The following GUCA2B variants were observed in gnomAD, a reference collection of about 807,000 sequenced individuals.
GUCA2B encodes guanylate cyclase activator 2B, also known as prepro-uroguanylin.
In GUCA2B, 7 loss-of-function variants were observed where a neutral mutation model predicts 11.1. That is an observed-to-expected ratio of 0.63 (90% CI 0.36 to 1.18). The LOEUF is 1.18. Ranked by LOEUF, GUCA2B falls within the 50% of genes most tolerant of loss-of-function variation. The pLI, the probability that GUCA2B is intolerant of heterozygous loss-of-function variation, is 0.02. For synonymous variants in GUCA2B, 69 were observed against 65.3 expected, an observed-to-expected ratio of 1.06 and a Z score of -0.27; for missense variants, 140 against 142.5, an observed-to-expected ratio of 0.98 and a Z score of 0.09.
At chr1:42,154,203 A>G (rs569385696) in intron 1 of GUCA2B, among the ~76,000 whole-genome samples, 39 of 152,216 alleles carry the variant, frequency 2.6e-4, no homozygotes, top group East Asian at 2.3e-3. Flanking sequence ...GACTCTGGGC[A>G]TGGTCTCCTT....
chr1:42,153,612 C>A, intron 1 of GUCA2B, 72 bp downstream of exon 1: 1 of 1,145,154 alleles, frequency 8.7e-7, no homozygotes, highest in Non-Finnish European at 1.3e-6. Context: ...AGAGGGTGTA[C>A]TGGGAATTCA....
intron 1 of GUCA2B, 64 bp downstream of exon 1, chr1:42,153,604 A>T: frequency 2.5e-6 from 3 of 1,212,696 alleles, no homozygotes; most frequent in Non-Finnish European, 3.6e-6. Context: ...TAGGCTGGAG[A>T]GGGTGTACTG....
Position 42,154,124 on chromosome 1 carries a change from G to A in GUCA2B, c.91-556G>A, listed in dbSNP as rs13374720. Among the ~76,000 whole-genome samples the A allele has an allele frequency of 4.7e-3, 717 of 152,286 alleles. 6 individuals carry two copies. The highest frequency in any genetic ancestry group is 0.016 in the African/African-American group (677 of 41,560). On this transcript the variant is annotated intron_variant, in intron 1 of 2. Coordinates refer to ENST00000372581, the MANE Select transcript of GUCA2B (RefSeq NM_007102.3). Reference sequence around the variant, plus strand: ...CGTCACAGCAGGGCCTGTCTGCCACGTCACAGGGGATGCTGCTGGCCTCGC... The same window carrying A: ...CGTCACAGCAGGGCCTGTCTGCCACATCACAGGGGATGCTGCTGGCCTCGC...
rs747175266 is a variant in GUCA2B, at chr1:42,154,752, C to A, written c.163C>A (p.Pro55Thr). ...SDLEAQWAPS[P>T]RLQAQSLLPA... ...CCTGGAGGCACAGTGGGCACCCAGC[C>A]CCCGCCTGCAGGCCCAGAGCCTCCT... The change falls in exon 2 of 3, where the codon CCC becomes ACC. Residue 55 changes from proline to threonine, a missense_variant. Physicochemically the swap from Pro to Thr is conservative, Grantham distance 38 (BLOSUM62 -1). Transcript: ENST00000372581. 20 of 1,613,870 alleles carry A rather than the reference C, an allele frequency of 1.2e-5. No individual in the cohort carries two copies. Among genetic ancestry groups the A allele is most frequent in the Non-Finnish European group, 1.7e-5 (20 of 1,179,842 alleles).
rs867354527 is a variant in GUCA2B at position 42,154,782 on chromosome 1, G to T, written c.193G>T (p.Ala65Ser). The T allele has an allele frequency of 6.2e-7, 1 of 1,614,052 alleles. No individual in the cohort carries two copies. Residue 65 changes from alanine to serine, a missense_variant, in exon 2 of 3, where the codon GCC (alanine) becomes TCC (serine). Physicochemically the swap from Ala to Ser is moderately conservative, Grantham distance 99. Transcript: ENST00000372581. ...PRLQAQSLLP[A>S]VCHHPALPQD... ...CCTGCAGGCCCAGAGCCTCCTGCCCGCCGTGTGCCACCACCCTGCTCTGCC... is the reference window on the plus strand; with the variant it reads ...CCTGCAGGCCCAGAGCCTCCTGCCCTCCGTGTGCCACCACCCTGCTCTGCC...
chr1:42,153,635 G>C (rs1245595238), intron 1 of GUCA2B, 95 bp downstream of exon 1: 1 of 881,454 alleles, frequency 1.1e-6, no homozygotes, highest in Admixed American at 2.1e-5. Flanking sequence ...GGGGCACCGG[G>C]GGAGCACGGG....
chr1:42,153,430 A>G lies in GUCA2B; in HGVS notation c.-21A>G. On this transcript the variant is annotated 5_prime_UTR_variant, in exon 1 of 3. Transcript: ENST00000372581. ...CAGATGGGAGACGGTGGACAGCGGCAGGGGGAACCCAGGGAGCGCGATGGG... is the reference window on the plus strand; with the variant it reads ...CAGATGGGAGACGGTGGACAGCGGCGGGGGGAACCCAGGGAGCGCGATGGG... The G allele has an allele frequency of 1.3e-6, 2 of 1,578,016 alleles. No homozygotes were observed. The highest frequency in any genetic ancestry group is 1.7e-6 in the Non-Finnish European group (2 of 1,151,178).
At chr1:42,155,122 G>A (rs1646103382) in intron 2 of GUCA2B, among the ~76,000 whole-genome samples, 1 of 152,242 alleles carries the variant, frequency 6.6e-6, no homozygotes, top group Non-Finnish European at 1.5e-5. Flanking sequence ...GCAGAGAGGA[G>A]AGCTGGCTGA....
Position 42,153,473 on chromosome 1 carries a change from G to A in GUCA2B, c.23G>A (p.Gly8Glu). The A allele has an allele frequency of 6.2e-7, 1 of 1,612,276 alleles. No homozygotes were observed. The highest frequency in any genetic ancestry group is 8.5e-7 in the Non-Finnish European group (1 of 1,179,562). The change falls in exon 1 of 3, where the codon GGG (glycine) becomes GAG (glutamate). Residue 8 changes from glycine (G) to glutamate (E), a missense_variant. By Grantham distance (98) the Gly-to-Glu change is moderately conservative. Coordinates refer to ENST00000372581, the MANE Select transcript of GUCA2B (RefSeq NM_007102.3). Reference protein sequence around the residue: MGCRAASGLLPGVAVVLL... With the variant: MGCRAASELLPGVAVVLL... ...GCGATGGGCTGCAGGGCTGCATCAG[G>A]GCTCCTGCCAGGAGTGGCCGTGGTC... is the stretch of plus-strand genomic sequence containing the variant.
At chr1:42,153,761 C>T (rs1338634570) in intron 1 of GUCA2B, among the ~76,000 whole-genome samples, 1 of 152,180 alleles carries the variant, frequency 6.6e-6, no homozygotes, top group Non-Finnish European at 1.5e-5. Context: ...ACTGATTCAG[C>T]GCTGCTCCCC....
intron 1 of GUCA2B, among the ~76,000 whole-genome samples, chr1:42,154,165 C>T (rs182119255): frequency 2.0e-5 from 3 of 152,304 alleles, no homozygotes; most frequent in Middle Eastern, 3.4e-3. Context: ...ATAGCAGAGA[C>T]GTCTGTGGCC....
chr1:42,153,642 C>T (rs949819120), intron 1 of GUCA2B, 102 bp downstream of exon 1: 2 of 800,354 alleles, frequency 2.5e-6, no homozygotes, highest in Admixed American at 2.2e-5. Flanking sequence ...CGGGGGAGCA[C>T]GGGGCCCGGG....
Position 42,155,772 on chromosome 1 carries a change from G to C in GUCA2B, c.*176G>C, listed in dbSNP as rs1377487820. On this transcript the variant is annotated 3_prime_UTR_variant, in exon 3 of 3. Coordinates refer to ENST00000372581, the MANE Select transcript of GUCA2B (RefSeq NM_007102.3). Reference sequence around the variant, plus strand: ...CAAAGCAATCGGACATAGAGTTGGAGGGGGAGGCCCCTGAGGCAGCCCAGC... The same window carrying C: ...CAAAGCAATCGGACATAGAGTTGGACGGGGAGGCCCCTGAGGCAGCCCAGC... The C allele has an allele frequency of 3.1e-6, 2 of 645,940 alleles. No individual in the cohort carries two copies. Among genetic ancestry groups the C allele is most frequent in the African/African-American group, 1.8e-5 (1 of 55,922 alleles). The allele number at this position is 645,940 out of a possible 1,614,324, so 40.0% of individuals were successfully genotyped here.
chr1:42,155,145 G>A (rs1212599202), intron 2 of GUCA2B, among the ~76,000 whole-genome samples: 1 of 152,210 alleles, frequency 6.6e-6, no homozygotes, highest in Admixed American at 6.5e-5. Context: ...TCTGCGATGG[G>A]ACAGGGGTGT....
chr1:42,154,312 G>C (rs931199762), intron 1 of GUCA2B, among the ~76,000 whole-genome samples: 1 of 152,192 alleles, frequency 6.6e-6, no homozygotes, highest in African/African-American at 2.4e-5. Context: ...CCATCACTCT[G>C]CCATGTGAGC....
chr1:42,154,560 C>T, intron 1 of GUCA2B, 120 bp from the exon 2 acceptor site: 1 of 802,748 alleles, frequency 1.2e-6, no homozygotes. Flanking sequence ...CCTGGACTTC[C>T]CATAGAGACG....
chr1:42,154,796 C>A lies in GUCA2B; in HGVS notation c.207C>A (p.His69Gln). 6.2e-7 allele frequency: 1 copy of A among 1,614,148 alleles called. No individual in the cohort carries two copies. The highest frequency in any genetic ancestry group is 8.5e-7 in the Non-Finnish European group (1 of 1,180,018). ...AQSLLPAVCH[H>Q]PALPQDLQPV... ...GCCTCCTGCCCGCCGTGTGCCACCA[C>A]CCTGCTCTGCCTCAGGACCTTCAGC... The change falls in exon 2 of 3, where the codon CAC becomes CAA. Residue 69 changes from histidine to glutamine, a missense_variant. Coordinates refer to ENST00000372581, the MANE Select transcript of GUCA2B (RefSeq NM_007102.3).
intron 1 of GUCA2B, 36 bp from the exon 2 acceptor site, chr1:42,154,644 C>T (rs201057158): frequency 1.4e-4 from 219 of 1,579,852 alleles, no homozygotes; most frequent in Non-Finnish European, 1.8e-4. Flanking sequence ...TGGACCAGGT[C>T]TTGACCTGCT....
rs1646094076 is a variant in GUCA2B at position 42,153,541 on chromosome 1, G to A, written c.90+1G>A. On this transcript the variant is annotated splice_donor_variant, in intron 1 of 2. Transcript: ENST00000372581. LOFTEE classifies it high-confidence loss of function. ...GAGCACACAGTCAGTCTACATCCAG[G>A]TGAGTCCCTTGGCCAGCGTTCCCTT... The A allele has an allele frequency of 1.2e-6, 2 of 1,606,682 alleles. No homozygotes were observed. Among genetic ancestry groups the A allele is most frequent in the Non-Finnish European group, 1.7e-6 (2 of 1,174,308 alleles).
Sources: allele counts gnomAD v4.1 joint callset (sites outside exome capture counted in the v4.1 genomes callset), GRCh38; gene constraint gnomAD v4.1.1; transcripts MANE v1.5; gene names NCBI Gene and HGNC (gene_info 2026-07-23, HGNC 2026-07-21).